NLK: variants seen among roughly 807,000 people sequenced by gnomAD.
NLK encodes serine/threonine-protein kinase NLK.
NLK carries 11 observed loss-of-function variants against 59.0 expected under a neutral mutation model. That is an observed-to-expected ratio of 0.19 (90% CI 0.12 to 0.31). NLK has a LOEUF of 0.31. NLK is among the 10% of genes least tolerant of loss of function. The pLI is 1.00. For missense variants in NLK, 410 were observed against 661.1 expected, an observed-to-expected ratio of 0.62 and a Z score of 4.16; for synonymous variants, 235 against 235.9, an observed-to-expected ratio of 1.00 and a Z score of 0.03.
Position 28,120,262 on chromosome 17 carries a change from G to A in NLK, c.459-2341G>A, listed in dbSNP as rs1052335006. The stretch of plus-strand genomic sequence containing the variant: ...TGTGTGTGTGTGTGTGTGTGTGTGT[G>A]TGTGTGTGTGTATGTGTGTGTGTAA... On this transcript the variant is annotated intron_variant, in intron 1 of 10. Transcript: ENST00000407008. Among the ~76,000 whole-genome samples, 867 of 151,174 alleles carry A rather than the reference G, an allele frequency of 5.7e-3. 6 individuals are homozygous for A. Among genetic ancestry groups the A allele is most frequent in the African/African-American group, 0.02 (815 of 40,804 alleles).
chr17:28,135,721 A>G (rs1906717703), intron 3 of NLK, among the ~76,000 whole-genome samples: 1 of 152,230 alleles, frequency 6.6e-6, no homozygotes, highest in Non-Finnish European at 1.5e-5. Context: ...TATTGAATAA[A>G]TGCCAAAGAT....
chr17:28,047,679 A>G (rs1485713963), intron 1 of NLK, among the ~76,000 whole-genome samples: 4 of 148,732 alleles, frequency 2.7e-5, no homozygotes, highest in Non-Finnish European at 4.4e-5. Context: ...TGATTTAACA[A>G]AAAAATTACT....
chr17:28,112,880 T>G (rs570998986), intron 1 of NLK, among the ~76,000 whole-genome samples: 193 of 150,312 alleles, frequency 1.3e-3, no homozygotes, highest in Admixed American at 2.0e-3. Context: ...GAAATGTTTG[T>G]TTTTTTTTAA....
chr17:28,152,174 G>A (rs1311486941), intron 3 of NLK, among the ~76,000 whole-genome samples: 1 of 152,166 alleles, frequency 6.6e-6, no homozygotes, highest in African/African-American at 2.4e-5. Context: ...TTTCTGAAAC[G>A]AGTACTTAGT....
At chr17:28,202,054 G>C in the NLK span, among the ~76,000 whole-genome samples, 1 of 151,962 alleles carries the variant, frequency 6.6e-6, no homozygotes, top group Non-Finnish European at 1.5e-5. Flanking sequence ...TTGATTGATA[G>C]AGAAAAACTA....
chr17:28,085,963 C>T (rs543706909), intron 1 of NLK, among the ~76,000 whole-genome samples: 1 of 152,256 alleles, frequency 6.6e-6, no homozygotes, highest in Admixed American at 6.5e-5. Context: ...TGTGTAAGTA[C>T]ACTCTATGAC....
intron 7 of NLK, among the ~76,000 whole-genome samples, chr17:28,177,837 T>G (rs1908747052): frequency 6.6e-6 from 1 of 152,254 alleles, no homozygotes; most frequent in Non-Finnish European, 1.5e-5. Flanking sequence ...CTTACTTGTG[T>G]CAAGGATCCA....
chr17:28,135,312 T>G (rs1176233639), intron 3 of NLK, among the ~76,000 whole-genome samples: 1 of 152,222 alleles, frequency 6.6e-6, no homozygotes. Flanking sequence ...CCCTTGGTGT[T>G]CAAGGTTTTT....
intron 1 of NLK, among the ~76,000 whole-genome samples, chr17:28,118,397 CAT>C (rs1321011029): frequency 7.9e-5 from 12 of 152,242 alleles, no homozygotes; most frequent in Non-Finnish European, 1.5e-5. Context: ...TAGCTAAAAA[CAT>C]GTATCAGAAA....
intron 1 of NLK, among the ~76,000 whole-genome samples, chr17:28,104,478 A>C (rs1361505766): frequency 6.6e-6 from 1 of 151,444 alleles, no homozygotes; most frequent in African/African-American, 2.4e-5. Flanking sequence ...CTGGTCTCGA[A>C]CTCCTGACCT....
At chr17:28,168,210 C>T (rs1908321211) in intron 5 of NLK, among the ~76,000 whole-genome samples, 1 of 151,576 alleles carries the variant, frequency 6.6e-6, no homozygotes, top group Admixed American at 6.6e-5. Flanking sequence ...GTGGTAGGCA[C>T]CTGTAGTCCC....
In NLK at chr17:28,168,657, G is replaced by A; in HGVS notation, c.1047G>A (p.Gln349=). 1.2e-6 allele frequency: 2 copies of A among 1,611,570 alleles called. No homozygotes were observed. The highest frequency in any genetic ancestry group is 1.1e-5 in the South Asian group (1 of 90,966). Residue 349 remains glutamine (Q), a splice_region_variant and synonymous_variant, in exon 6 of 11, where the codon CAG becomes CAA. Transcript: ENST00000407008. ...TTCAGGCACAGAGTCCCATTCAGCA[G>A]GTATGATTTCAATTTAAGGCTTTAG... ...ILFQAQSPIQ[Q]LDLITDLLGT...
At chr17:28,180,009 A>C (rs1312974304) in intron 7 of NLK, among the ~76,000 whole-genome samples, 5 of 151,800 alleles carry the variant, frequency 3.3e-5, no homozygotes. Context: ...AGTGGGAAGA[A>C]AGTGAACTTA....
At chr17:28,103,133 A>G (rs1206047033) in intron 1 of NLK, among the ~76,000 whole-genome samples, 1 of 152,180 alleles carries the variant, frequency 6.6e-6, no homozygotes, top group Non-Finnish European at 1.5e-5. Flanking sequence ...AAGTTGAGGA[A>G]TGGTGGAGTG....
At chr17:28,180,677 G>A (rs1908869404) in intron 7 of NLK, among the ~76,000 whole-genome samples, 2 of 152,192 alleles carry the variant, frequency 1.3e-5, no homozygotes, top group South Asian at 4.1e-4. Context: ...CTTTGAGAGT[G>A]GAAGGGAAAG....
chr17:28,167,416 T>C (rs1908283848), intron 5 of NLK, among the ~76,000 whole-genome samples: 1 of 151,314 alleles, frequency 6.6e-6, no homozygotes, highest in African/African-American at 2.4e-5. Flanking sequence ...TTTTTTTTAA[T>C]TGTTTGTAGA....
intron 3 of NLK, among the ~76,000 whole-genome samples, chr17:28,138,672 A>G (rs1244366479): frequency 1.3e-5 from 2 of 152,246 alleles, no homozygotes; most frequent in Non-Finnish European, 2.9e-5. Context: ...TAATGGTACT[A>G]CTAAGGACCA....
At chr17:28,190,995 T>C (rs1185546198) in intron 8 of NLK, 26 bp from the exon 9 acceptor site, 1 of 1,523,034 alleles carries the variant, frequency 6.6e-7, no homozygotes, top group African/African-American at 1.4e-5. Flanking sequence ...GTAGTGTTGA[T>C]GTGCTGGTCT....
At chr17:28,115,548 TTTA>T (rs2142810021) in intron 1 of NLK, among the ~76,000 whole-genome samples, 1 of 152,320 alleles carries the variant, frequency 6.6e-6, no homozygotes, top group East Asian at 1.9e-4. Flanking sequence ...TTACTGTAGC[TTTA>T]TTATGTCTTC....
Sources: allele counts gnomAD v4.1 joint callset (sites outside exome capture counted in the v4.1 genomes callset), GRCh38; gene constraint gnomAD v4.1.1; transcripts MANE v1.5; gene names NCBI Gene and HGNC (gene_info 2026-07-23, HGNC 2026-07-21).